Variants in LAMB2 observed in about 807,000 individuals in gnomAD.
LAMB2 encodes the protein laminin subunit beta-2.
In LAMB2, 119 loss-of-function variants were observed where a neutral mutation model predicts 202.7. The ratio of observed to expected loss-of-function variants is 0.59; its 90% CI spans 0.51 to 0.68. LAMB2 has a LOEUF of 0.68. LAMB2 is among the 30% of genes least tolerant of loss of function. The pLI is 0.00. For missense variants in LAMB2, 2,124 were observed against 2,410.6 expected, an observed-to-expected ratio of 0.88 and a Z score of 2.49; for synonymous variants, 818 against 902.2, an observed-to-expected ratio of 0.91 and a Z score of 1.67.
chr3:49,123,162 G>A lies in LAMB2; in HGVS notation c.4194C>T (p.His1398=), dbSNP rs1369248732. The part of the protein sequence containing the change: ...RALGKLSAHT[H]TLSLTDINEL... ...CATTTATGTCTGTCAGGCTCAGGGT[G>A]TGGGTATGGGCAGAGAGCTTGCCAA... Residue 1398 remains histidine, a synonymous_variant, in exon 26 of 32, where the codon CAC becomes CAT. Transcript: ENST00000305544. 2 of 1,613,590 alleles carry A rather than the reference G, an allele frequency of 1.2e-6. No homozygotes were observed. The highest frequency in any genetic ancestry group is 1.7e-6 in the Non-Finnish European group (2 of 1,180,036).
rs1176697196 is a variant in LAMB2 at position 49,132,038 on chromosome 3, T to C, written c.459+78A>G. 2.2e-6 allele frequency: 3 copies of C among 1,375,976 alleles called. No homozygotes were observed. The highest frequency in any genetic ancestry group is 2.3e-5 in the South Asian group (2 of 85,592). The allele number at this position is 1,375,976 out of a possible 1,614,324, so 85.2% of individuals were successfully genotyped here. A position where few individuals can be genotyped will look rare whatever the true frequency, so the allele number is the denominator to read the frequency against. ...GCATCCATGCTCAAGGAGGCTGTGT[T>C]AAGGAGCTGAGGCTCTGTCCAGGGG... On this transcript the variant is annotated intron_variant, in intron 4 of 31. Coordinates refer to ENST00000305544, the MANE Select transcript of LAMB2 (RefSeq NM_002292.4). The surrounding 1 kb of genome is among the most constrained non-coding windows in gnomAD (Gnocchi z 4.6).
chr3:49,131,381 T>C lies in LAMB2; in HGVS notation c.710A>G (p.Gln237Arg). 2 of 1,613,996 alleles carry C rather than the reference T, an allele frequency of 1.2e-6. No individual in the cohort carries two copies. The highest frequency in any genetic ancestry group is 8.5e-7 in the Non-Finnish European group (1 of 1,179,880). The change falls in exon 6 of 32, where the codon CAG (glutamine) becomes CGG (arginine). Residue 237 changes from glutamine to arginine, a missense_variant and splice_region_variant. By Grantham distance (43) the Gln-to-Arg change is conservative. This residue lies in a region of LAMB2 where 256 missense variants were observed against 356.1 expected (regional missense o/e 0.72). Coordinates refer to ENST00000305544, the MANE Select transcript of LAMB2 (RefSeq NM_002292.4). This position sits in a 1 kb window ranked among gnomAD's most constrained non-coding sequence, Gnocchi z 5.0. ...PIPDPYSSRI[Q>R]NLLKITNLRV... Reference sequence around the variant, plus strand: ...GACTCAAAGGGTGGAGCACTCACTCTGAATCCGTGAGCTGTAGGGGTCTGG... The same window carrying C: ...GACTCAAAGGGTGGAGCACTCACTCCGAATCCGTGAGCTGTAGGGGTCTGG...
In LAMB2 at chr3:49,129,172, T is replaced by C. The variant is rs747579383; in HGVS notation, c.1599-20A>G. ...TCACACCTGGAGGGAACTCTGTGGT[T>C]ACTCAAGAAGAACCTTCTCTTCTGC... is the stretch of plus-strand genomic sequence containing the variant. On this transcript the variant is annotated intron_variant, in intron 12 of 31. Coordinates refer to ENST00000305544, the MANE Select transcript of LAMB2 (RefSeq NM_002292.4). This position sits in a 1 kb window ranked among gnomAD's most constrained non-coding sequence, Gnocchi z 6.1. 1.9e-6 allele frequency: 3 copies of C among 1,614,086 alleles called. No individual in the cohort carries two copies. The highest frequency in any genetic ancestry group is 2.5e-6 in the Non-Finnish European group (3 of 1,180,038).
In LAMB2 at chr3:49,129,186, C is replaced by T; in HGVS notation, c.1599-34G>A. 8 of 1,614,144 alleles carry T rather than the reference C, an allele frequency of 5.0e-6. No individual in the cohort carries two copies. The highest frequency in any genetic ancestry group is 1.3e-5 in the African/African-American group (1 of 75,064). On this transcript the variant is annotated intron_variant, in intron 12 of 31. Transcript: ENST00000305544. This position sits in a 1 kb window ranked among gnomAD's most constrained non-coding sequence, Gnocchi z 6.1. ...AACTCTGTGGTTACTCAAGAAGAACCTTCTCTTCTGCTCAGGATCTTTCCC... is the reference window on the plus strand; with the variant it reads ...AACTCTGTGGTTACTCAAGAAGAACTTTCTCTTCTGCTCAGGATCTTTCCC...
Position 49,130,724 on chromosome 3 carries a change from C to A in LAMB2, c.1036+16G>T. On this transcript the variant is annotated intron_variant, in intron 8 of 31. Coordinates refer to ENST00000305544, the MANE Select transcript of LAMB2 (RefSeq NM_002292.4). The surrounding 1 kb of genome is among the most constrained non-coding windows in gnomAD (Gnocchi z 5.0). ...CTGCAGAGTGCTGGAGCTATGGAGG[C>A]CAAGATCTCACTCACTCCTACAGGC... The A allele has an allele frequency of 1.9e-6, 3 of 1,613,550 alleles. No homozygotes were observed. The highest frequency in any genetic ancestry group is 2.5e-6 in the Non-Finnish European group (3 of 1,179,986).
chr3:49,122,144 G>A lies in LAMB2; in HGVS notation c.4781+19C>T, dbSNP rs1349120135. ...TCAAAACCAGGTGTCAGGGATAGGGGCCAGGGATGGGGTCAGACCTTGCCC... is the reference window on the plus strand; with the variant it reads ...TCAAAACCAGGTGTCAGGGATAGGGACCAGGGATGGGGTCAGACCTTGCCC... On this transcript the variant is annotated intron_variant, in intron 28 of 31. Coordinates refer to ENST00000305544, the MANE Select transcript of LAMB2 (RefSeq NM_002292.4). The A allele has an allele frequency of 6.2e-7, 1 of 1,613,466 alleles. No homozygotes were observed. Among genetic ancestry groups the A allele is most frequent in the Non-Finnish European group, 8.5e-7 (1 of 1,180,018 alleles).
chr3:49,124,453 T>C lies in LAMB2; in HGVS notation c.3269A>G (p.His1090Arg). 3.1e-6 allele frequency: 5 copies of C among 1,613,636 alleles called. No homozygotes were observed. The highest frequency in any genetic ancestry group is 2.2e-5 in the South Asian group (2 of 91,084). ...GTGGCAGGCACAAGGCTGGCAACCA[T>C]GGCCACTGGTGAGGTTCCAGAAGTT... ...APNFWNLTSG[H>R]GCQPCACHPS... The change falls in exon 22 of 32, where the codon CAT becomes CGT. Residue 1090 changes from histidine to arginine, a missense_variant. Around this residue, in one of 3 missense-constraint regions of LAMB2, gnomAD observed 1,702 missense variants for 1,896.3 expected, o/e 0.90. Transcript: ENST00000305544.
chr3:49,123,713 T>C lies in LAMB2; in HGVS notation c.3797+15A>G. On this transcript the variant is annotated intron_variant, in intron 24 of 31. Transcript: ENST00000305544. ...TCTGCCCCATCCCACCATGTATTCT[T>C]AGGCCCTTCCGCACCGCAGCTCCTC... is the stretch of plus-strand genomic sequence containing the variant. 1 of 1,613,562 alleles carries C rather than the reference T, an allele frequency of 6.2e-7. No individual in the cohort carries two copies. Among genetic ancestry groups the C allele is most frequent in the Non-Finnish European group, 8.5e-7 (1 of 1,180,040 alleles).
chr3:49,121,601 G>A lies in LAMB2; in HGVS notation c.5101-9C>T, dbSNP rs1053767696. 4 of 1,613,918 alleles carry A rather than the reference G, an allele frequency of 2.5e-6. No individual in the cohort carries two copies. The highest frequency in any genetic ancestry group is 1.7e-6 in the Non-Finnish European group (2 of 1,180,050). On this transcript the variant is annotated splice_polypyrimidine_tract_variant and intron_variant, in intron 30 of 31. Transcript: ENST00000305544. ...AGAGGACCGCGTAGCAGCTGCAGAT[G>A]TAGAGGGTTAGGTTAGCGTGGTAGC...
intron 27 of LAMB2, 94 bp downstream of exon 27, chr3:49,122,609 AG>A: frequency 9.1e-7 from 1 of 1,094,078 alleles, no homozygotes; most frequent in Non-Finnish European, 1.4e-6. Context: ...AATCCAGTGT[AG>A]TCCCTGAGGC....
chr3:49,124,803 G>A lies in LAMB2; in HGVS notation c.3007C>T (p.His1003Tyr), dbSNP rs777275266. ...AAACAGCGCAGGCATTGCCCCGTGT[G>A]GGGGTCACAGGCATCAGGATCCATT... ...DPMDPDACDP[H>Y]TGQCLRCLHH... The change falls in exon 21 of 32, where the codon CAC (histidine) becomes TAC (tyrosine). Residue 1003 changes from histidine to tyrosine, a missense_variant. Physicochemically the swap from His to Tyr is moderately conservative, Grantham distance 83. Around this residue, in one of 3 missense-constraint regions of LAMB2, gnomAD observed 1,702 missense variants for 1,896.3 expected, o/e 0.90. Transcript: ENST00000305544. The A allele has an allele frequency of 6.2e-7, 1 of 1,614,202 alleles. No individual in the cohort carries two copies. The highest frequency in any genetic ancestry group is 1.7e-5 in the Admixed American group (1 of 60,034).
In LAMB2 at chr3:49,128,700, C is replaced by T. The variant is rs1131791; in HGVS notation, c.1851G>A (p.Lys617=). Reference sequence around the variant, plus strand: ...GCAGCAGCAGGTCATAGTCCATAGCCTTCGGCACAGAGGCCACCAGGAACT... The same window carrying T: ...GCAGCAGCAGGTCATAGTCCATAGCTTTCGGCACAGAGGCCACCAGGAACT... ...TLEFLVASVP[K]AMDYDLLLRL... Residue 617 remains lysine, a synonymous_variant, in exon 14 of 32, where the codon AAG becomes AAA. Transcript: ENST00000305544. 5.0e-5 allele frequency: 81 copies of T among 1,614,070 alleles called. No individual in the cohort carries two copies. The highest frequency in any genetic ancestry group is 6.4e-5 in the Non-Finnish European group (75 of 1,180,044).
intron 15 of LAMB2, among the ~76,000 whole-genome samples, chr3:49,127,836 T>C (rs1294001227): frequency 6.6e-6 from 1 of 151,694 alleles, no homozygotes; most frequent in Non-Finnish European, 1.5e-5. Context: ...CTGGCCAACA[T>C]GGTGAAACCC....
chr3:49,132,543 G>C lies in LAMB2; in HGVS notation c.197C>G (p.Ser66Cys), dbSNP rs762810844. 2 of 1,613,692 alleles carry C rather than the reference G, an allele frequency of 1.2e-6. No homozygotes were observed. The highest frequency in any genetic ancestry group is 1.7e-6 in the Non-Finnish European group (2 of 1,180,042). ...VGRADRLTASSTCGLNGPQPY... is the reference protein window; with the variant it reads ...VGRADRLTASCTCGLNGPQPY... Reference sequence around the variant, plus strand: ...CTGGGGGCCATTCAGGCCACAAGTGGATGAGGCAGTCAGTCTGTCAGCTCG... The same window carrying C: ...CTGGGGGCCATTCAGGCCACAAGTGCATGAGGCAGTCAGTCTGTCAGCTCG... The change falls in exon 2 of 32, where the codon TCC becomes TGC. Residue 66 changes from serine (S) to cysteine (C), a missense_variant. Physicochemically the swap from Ser to Cys is moderately radical, Grantham distance 112. Around this residue, in one of 3 missense-constraint regions of LAMB2, gnomAD observed 166 missense variants for 158.2 expected, o/e 1.05. Transcript: ENST00000305544. This position sits in a 1 kb window ranked among gnomAD's most constrained non-coding sequence, Gnocchi z 4.6.
rs771309933 is a variant in LAMB2 at position 49,132,440 on chromosome 3, G to A, written c.250-35C>T. On this transcript the variant is annotated intron_variant, in intron 2 of 31. Coordinates refer to ENST00000305544, the MANE Select transcript of LAMB2 (RefSeq NM_002292.4). The surrounding 1 kb of genome is among the most constrained non-coding windows in gnomAD (Gnocchi z 4.6). Reference sequence around the variant, plus strand: ...ATGGGGATTAGAATCAGTGCCTCAGGCAGTGCCAGCCCCACCCTGACTCGG... The same window carrying A: ...ATGGGGATTAGAATCAGTGCCTCAGACAGTGCCAGCCCCACCCTGACTCGG... 5 of 1,614,230 alleles carry A rather than the reference G, an allele frequency of 3.1e-6. No individual in the cohort carries two copies. In the South Asian group the frequency reaches 4.4e-5, roughly 14 times the overall value.
intron 14 of LAMB2, 27 bp from the exon 15 acceptor site, chr3:49,128,612 T>C (rs374173116): frequency 3.1e-6 from 5 of 1,614,194 alleles, no homozygotes; most frequent in Non-Finnish European, 3.4e-6. Context: ...ATGGAGGAGA[T>C]GCTCCCACAC....
chr3:49,122,006 C>T lies in LAMB2; in HGVS notation c.4861G>A (p.Ala1621Thr). The T allele has an allele frequency of 6.2e-7, 1 of 1,613,876 alleles. No homozygotes were observed. The highest frequency in any genetic ancestry group is 8.5e-7 in the Non-Finnish European group (1 of 1,180,036). The change falls in exon 29 of 32, where the codon GCC becomes ACC. Residue 1621 changes from alanine to threonine, a missense_variant. By Grantham distance (58) the Ala-to-Thr change is moderately conservative. This residue lies in a region of LAMB2 where 1,702 missense variants were observed against 1,896.3 expected (regional missense o/e 0.90). Transcript: ENST00000305544. Reference sequence around the variant, plus strand: ...ACTGCCCCCCGGATGGCACCCTGGGCAATACCCTGTGCCCGCTGGGCCTCC... The same window carrying T: ...ACTGCCCCCCGGATGGCACCCTGGGTAATACCCTGTGCCCGCTGGGCCTCC... ...LEEAQRAQGI[A>T]QGAIRGAVAD...
Position 49,126,374 on chromosome 3 carries a change from G to A in LAMB2, c.2142C>T (p.Leu714=), listed in dbSNP as rs776700694. ...AGAGGAGATTATTCACCGAGTCAAT[G>A]AGCAGGCCAGGTCCAGAGTAGGGAG... ...PETPYSGPGL[L]IDSLVLLPRV... is the part of the protein sequence containing the mutation. The change falls in exon 16 of 32, where the codon CTC becomes CTT. Residue 714 remains leucine (L), a synonymous_variant. Coordinates refer to ENST00000305544, the MANE Select transcript of LAMB2 (RefSeq NM_002292.4). The A allele has an allele frequency of 6.2e-7, 1 of 1,614,182 alleles. No individual in the cohort carries two copies. Among genetic ancestry groups the A allele is most frequent in the South Asian group, 1.1e-5 (1 of 91,072 alleles).
chr3:49,122,437 G>T, intron 27 of LAMB2, 67 bp from the exon 28 acceptor site: 1 of 1,466,074 alleles, frequency 6.8e-7, no homozygotes, highest in Non-Finnish European at 9.6e-7. Flanking sequence ...TACAGTTTTG[G>T]GGTATGGACT....
Sources: allele counts gnomAD v4.1 joint callset (sites outside exome capture counted in the v4.1 genomes callset), GRCh38; gene constraint gnomAD v4.1.1; regional missense constraint gnomAD v4.1.1; non-coding constraint Gnocchi (gnomAD v3.1); transcripts MANE v1.5; gene names NCBI Gene and HGNC (gene_info 2026-07-23, HGNC 2026-07-21).